Variants in TMEM132B observed in about 807,000 individuals in gnomAD.
TMEM132B encodes transmembrane protein 132B.
TMEM132B carries 18 observed loss-of-function variants against 90.8 expected under a neutral mutation model. The observed-to-expected ratio is 0.20, with a 90% CI of 0.14 to 0.29. The LOEUF is 0.29. Among genes scored for constraint, TMEM132B ranks in the 10% least tolerant of loss-of-function variants. The pLI is 1.00. For missense variants in TMEM132B, 1,096 were observed against 1,326.8 expected, an observed-to-expected ratio of 0.83 and a Z score of 2.70; for synonymous variants, 504 against 523.3, an observed-to-expected ratio of 0.96 and a Z score of 0.50.
chr12:125,345,123 T>G lies in TMEM132B; in HGVS notation c.68-4329T>G, dbSNP rs1261272336. ...AGTAAGGAGTTTCTCTTCCTGGTGTTTTTCAAAGACCTGGTGACCTGGTCA... is the reference window on the plus strand; with the variant it reads ...AGTAAGGAGTTTCTCTTCCTGGTGTGTTTCAAAGACCTGGTGACCTGGTCA... On this transcript the variant is annotated intron_variant, in intron 1 of 8. Transcript: ENST00000682704. 2.6e-5 allele frequency among the ~76,000 whole-genome samples: 4 copies of G among 152,116 alleles called. No homozygotes were observed. The East Asian group carries it at 7.8e-4, about 30-fold the overall frequency.
chr12:125,605,658 C>T (rs1885676870), intron 5 of TMEM132B, among the ~76,000 whole-genome samples: 1 of 152,118 alleles, frequency 6.6e-6, no homozygotes, highest in Non-Finnish European at 1.5e-5. Context: ...ACAATTTCAA[C>T]ATACTACTTA....
At chr12:125,318,703 T>G (rs1243626066) in intron 1 of TMEM132B, among the ~76,000 whole-genome samples, 4 of 152,212 alleles carry the variant, frequency 2.6e-5, no homozygotes, top group African/African-American at 9.6e-5. Flanking sequence ...TTCATTCCTT[T>G]TAATGGCTGC....
chr12:125,530,806 C>T (rs571068615), intron 4 of TMEM132B, among the ~76,000 whole-genome samples: 5 of 152,358 alleles, frequency 3.3e-5, no homozygotes, highest in Admixed American at 3.3e-4. Flanking sequence ...AGGGCTCACC[C>T]TAATCCAGTA....
intron 4 of TMEM132B, among the ~76,000 whole-genome samples, chr12:125,563,717 G>T (rs1263681375): frequency 1.3e-5 from 2 of 152,094 alleles, no homozygotes. Context: ...CATTTATGGT[G>T]GTACCTAAAT....
intron 1 of TMEM132B, among the ~76,000 whole-genome samples, chr12:125,298,942 C>T (rs1875742435): frequency 6.6e-6 from 1 of 151,842 alleles, no homozygotes; most frequent in South Asian, 2.1e-4. Flanking sequence ...ACCGTGTTAG[C>T]CGGGATGGTC....
At chr12:125,430,153 T>G in intron 3 of TMEM132B, among the ~76,000 whole-genome samples, 1 of 152,172 alleles carries the variant, frequency 6.6e-6, no homozygotes, top group South Asian at 2.1e-4. Flanking sequence ...TAATAAAATA[T>G]TACTAAATGA....
At chr12:125,198,577 G>A (rs771372315) in intron 1 of TMEM132B, among the ~76,000 whole-genome samples, 66 of 152,224 alleles carry the variant, frequency 4.3e-4, no homozygotes, top group Non-Finnish European at 7.5e-4. Context: ...CCCTCAGCCA[G>A]GGACTGGGAC....
chr12:125,429,553 G>C (rs1488169162), intron 3 of TMEM132B, among the ~76,000 whole-genome samples: 3 of 152,074 alleles, frequency 2.0e-5, no homozygotes, highest in Non-Finnish European at 2.9e-5. Flanking sequence ...TTTAGTCATC[G>C]TGTCTCCTGA....
intron 2 of TMEM132B, among the ~76,000 whole-genome samples, chr12:125,399,524 G>A (rs1355470177): frequency 6.7e-6 from 1 of 149,668 alleles, no homozygotes; most frequent in Non-Finnish European, 1.5e-5. Flanking sequence ...TGTGTATTGA[G>A]GGATGGGCTA....
rs532496944 is a variant in TMEM132B at position 125,535,099 on chromosome 12, T to C, written c.1293+15474T>C. 7.2e-5 allele frequency among the ~76,000 whole-genome samples: 11 copies of C among 152,344 alleles called. No homozygotes were observed. In the South Asian group the frequency reaches 1.7e-3, roughly 23 times the overall value. On this transcript the variant is annotated intron_variant, in intron 4 of 8. Transcript: ENST00000682704. ...ATAACCTATATATCTAATAGATGTA[T>C]TTACACCAAGTTTTATCACATTTAT...
intron 1 of TMEM132B, among the ~76,000 whole-genome samples, chr12:125,236,395 G>T (rs1047938956): frequency 6.6e-6 from 1 of 152,076 alleles, no homozygotes; most frequent in African/African-American, 2.4e-5. Flanking sequence ...GACCTCAAGT[G>T]ATCCACATAC....
At chr12:125,260,432 GC>G (rs1388484254) in intron 1 of TMEM132B, among the ~76,000 whole-genome samples, 1 of 151,750 alleles carries the variant, frequency 6.6e-6, no homozygotes, top group Admixed American at 6.6e-5. Context: ...GCTTACTTCA[GC>G]CCCTAACTCC....
chr12:125,332,583 CTTTTTTTTTTTTTTTTTT>C (rs201828438), intron 1 of TMEM132B, among the ~76,000 whole-genome samples: 19 of 52,418 alleles, frequency 3.6e-4, no homozygotes, highest in Middle Eastern at 0.021. Context: ...AGAGAGTTGG[CTTTTTTTTTTTTTTTTTT>C]TTTTTTTTTT....
At chr12:125,343,952 CAGAG>C (rs1052212230) in intron 1 of TMEM132B, among the ~76,000 whole-genome samples, 2 of 152,190 alleles carry the variant, frequency 1.3e-5, no homozygotes, top group African/African-American at 4.8e-5. Context: ...AGAAGGAACA[CAGAG>C]AGATTTATTC....
intron 2 of TMEM132B, among the ~76,000 whole-genome samples, chr12:125,353,876 C>T (rs1310420315): frequency 6.6e-6 from 1 of 152,204 alleles, no homozygotes; most frequent in Admixed American, 6.5e-5. Context: ...GTATTATCTT[C>T]TTGGTAAGTA....
chr12:125,554,879 C>A (rs1884331642), intron 4 of TMEM132B, among the ~76,000 whole-genome samples: 1 of 152,182 alleles, frequency 6.6e-6, no homozygotes, highest in Non-Finnish European at 1.5e-5. Context: ...GCTGCACTTT[C>A]CTCTTTGTTG....
intron 1 of TMEM132B, among the ~76,000 whole-genome samples, chr12:125,231,557 C>T (rs74867151): frequency 0.041 from 6,245 of 152,136 alleles, 144 homozygotes; most frequent in Non-Finnish European, 0.049. Flanking sequence ...TTTATATTGC[C>T]CATGTCCCAG....
intron 5 of TMEM132B, among the ~76,000 whole-genome samples, chr12:125,604,765 T>C (rs1029568874): frequency 2.6e-5 from 4 of 152,232 alleles, no homozygotes; most frequent in East Asian, 1.9e-4. Flanking sequence ...AGGAACACTT[T>C]CTGAAATCTT....
chr12:125,623,344 G>A (rs546081749), intron 5 of TMEM132B, among the ~76,000 whole-genome samples: 62 of 152,218 alleles, frequency 4.1e-4, no homozygotes, highest in Admixed American at 9.2e-4. Flanking sequence ...GTCTTGATAA[G>A]GGGCAACATT....
Sources: gnomAD v4.1 joint callset for allele counts (sites outside exome capture counted in the v4.1 genomes callset) on GRCh38, gnomAD v4.1.1 for gene constraint, MANE v1.5 for transcripts, NCBI Gene and HGNC (gene_info 2026-07-23, HGNC 2026-07-21) for gene names.